The following ACYP2 variants were observed in gnomAD, a reference collection of about 807,000 sequenced individuals.
ACYP2 encodes the protein acylphosphatase 2.
In ACYP2, 12 loss-of-function variants were observed where a neutral mutation model predicts 11.2. The observed-to-expected ratio is 1.08, with a 90% CI of 0.69 to 1.74. ACYP2 has a LOEUF of 1.74. ACYP2 is among the 40% of genes most tolerant of loss of function. ACYP2 has a pLI of 0.00. For missense variants in ACYP2, 134 were observed against 101.9 expected, an observed-to-expected ratio of 1.31 and a Z score of -1.35; for synonymous variants, 43 against 32.2, an observed-to-expected ratio of 1.33 and a Z score of -1.13.
At chr2:54,010,602 A>AT (rs1395384047) in intron 2 of ACYP2, among the ~76,000 whole-genome samples, 1 of 151,982 alleles carries the variant, frequency 6.6e-6, no homozygotes, top group African/African-American at 2.4e-5. Flanking sequence ...CCCCATAAAA[A>AT]TTTTTTTTAA....
In ACYP2 at chr2:54,289,250, A is replaced by T. The variant is rs948604685; in HGVS notation, c.405-15438A>T. Among the ~76,000 whole-genome samples the T allele has an allele frequency of 3.4e-4, 51 of 151,860 alleles. 2 individuals are homozygous for T. Among genetic ancestry groups the T allele is most frequent in the African/African-American group, 1.1e-3 (47 of 41,184 alleles). ...TCTACTTTGTCACCTCCCACTAGAT[A>T]AGCAACTTGGATATATTGATGACGT... On this transcript the variant is annotated intron_variant, in intron 6 of 6. Coordinates refer to ENST00000607452, the MANE Select transcript of ACYP2 (RefSeq NM_001320586.2).
chr2:54,266,099 C>A (rs1165277299), intron 6 of ACYP2, among the ~76,000 whole-genome samples: 1 of 152,122 alleles, frequency 6.6e-6, no homozygotes, highest in Non-Finnish European at 1.5e-5. Flanking sequence ...TAAATCAACT[C>A]TTGGGTCAAA....
At chr2:54,187,145 G>A (rs1043609058) in intron 6 of ACYP2, among the ~76,000 whole-genome samples, 29 of 152,254 alleles carry the variant, frequency 1.9e-4, no homozygotes, top group Admixed American at 1.6e-3. Flanking sequence ...AAGCCAAGAC[G>A]TAAGGGCACA....
intron 4 of ACYP2, among the ~76,000 whole-genome samples, chr2:54,058,962 A>G (rs1443770924): frequency 6.6e-6 from 1 of 152,012 alleles, no homozygotes; most frequent in East Asian, 1.9e-4. Flanking sequence ...CATGGCTAGC[A>G]TGTCTCTGGT....
At chr2:54,264,957 C>T (rs987334430) in intron 6 of ACYP2, among the ~76,000 whole-genome samples, 3 of 152,086 alleles carry the variant, frequency 2.0e-5, no homozygotes, top group Admixed American at 6.6e-5. Context: ...TCCAACTTAC[C>T]TTCACAAAGT....
At chr2:54,143,757 T>G (rs13001000) in intron 6 of ACYP2, among the ~76,000 whole-genome samples, 3,934 of 16,682 alleles carry the variant, frequency 0.24, 389 homozygotes, top group Non-Finnish European at 0.3. Context: ...TTTTTTTTTT[T>G]GGGGGGGGGG....
intron 6 of ACYP2, among the ~76,000 whole-genome samples, chr2:54,288,012 T>C (rs10191400): frequency 0.13 from 20,378 of 151,826 alleles, 2,236 homozygotes; most frequent in African/African-American, 0.28. Context: ...TTTGGGTTAA[T>C]TCCCTCTGTG....
At chr2:54,255,196 C>T (rs1687434706) in intron 6 of ACYP2, 3 of 1,614,174 alleles carry the variant, frequency 1.9e-6, no homozygotes, top group Non-Finnish European at 2.5e-6. Context: ...CACCACTTGG[C>T]CGAAGGATCT....
intron 6 of ACYP2, among the ~76,000 whole-genome samples, chr2:54,172,204 C>G (rs751741875): frequency 6.6e-6 from 1 of 151,922 alleles, no homozygotes; most frequent in Admixed American, 6.6e-5. Flanking sequence ...GGTAACAGAG[C>G]GAGACCCTGT....
At chr2:54,113,431 C>T (rs1228312579) in intron 4 of ACYP2, among the ~76,000 whole-genome samples, 2 of 151,968 alleles carry the variant, frequency 1.3e-5, no homozygotes, top group African/African-American at 2.4e-5. Context: ...TTTATAGAGG[C>T]GGGGCTTCAC....
At chr2:54,036,443 C>G (rs1416706552) in intron 2 of ACYP2, among the ~76,000 whole-genome samples, 1 of 152,224 alleles carries the variant, frequency 6.6e-6, no homozygotes, top group Non-Finnish European at 1.5e-5. Flanking sequence ...CTGTGGGCAT[C>G]TTTGGGGGCC....
intron 4 of ACYP2, among the ~76,000 whole-genome samples, chr2:54,086,377 G>A (rs1677947695): frequency 6.6e-6 from 1 of 152,192 alleles, no homozygotes; most frequent in African/African-American, 2.4e-5. Flanking sequence ...GGGCAGGCAG[G>A]GGAGAGTGAG....
chr2:54,303,531 G>A (rs931762975), intron 6 of ACYP2, among the ~76,000 whole-genome samples: 8 of 152,050 alleles, frequency 5.3e-5, no homozygotes, highest in Non-Finnish European at 1.0e-4. Context: ...CATTTTAAAG[G>A]TTTTACCTAA....
chr2:54,199,010 G>C (rs886936390), intron 6 of ACYP2, among the ~76,000 whole-genome samples: 1 of 152,278 alleles, frequency 6.6e-6, no homozygotes, highest in African/African-American at 2.4e-5. Flanking sequence ...TTTTCAGCAT[G>C]GGTGCTAGGT....
At chr2:54,015,204 T>TA (rs754933786) in intron 2 of ACYP2, among the ~76,000 whole-genome samples, 24 of 150,936 alleles carry the variant, frequency 1.6e-4, no homozygotes, top group Non-Finnish European at 2.8e-4. Context: ...CTGTCTCTGA[T>TA]AAAAAAGATA....
chr2:54,207,873 A>G (rs1348314170), intron 6 of ACYP2, among the ~76,000 whole-genome samples: 1 of 152,170 alleles, frequency 6.6e-6, no homozygotes, highest in African/African-American at 2.4e-5. Flanking sequence ...CTGTGTGTGC[A>G]TTCAATATTG....
At chr2:54,029,853 C>T (rs1298089448) in intron 2 of ACYP2, 1 of 331,652 alleles carries the variant, frequency 3.0e-6, no homozygotes, top group East Asian at 7.4e-5. Flanking sequence ...TACAATATCA[C>T]CTTTCTTACA....
chr2:54,267,598 G>A (rs181307101), intron 6 of ACYP2, among the ~76,000 whole-genome samples: 13 of 152,272 alleles, frequency 8.5e-5, no homozygotes, highest in East Asian at 3.9e-4. Context: ...AAAATTTAAA[G>A]ATCATTCTGG....
intron 6 of ACYP2, among the ~76,000 whole-genome samples, chr2:54,184,249 A>AG (rs1683874423): frequency 6.6e-6 from 1 of 152,200 alleles, no homozygotes; most frequent in Admixed American, 6.6e-5. Context: ...AACATTTCTC[A>AG]GGGACCTGAG....
Sources: allele counts gnomAD v4.1 joint callset (sites outside exome capture counted in the v4.1 genomes callset), GRCh38; gene constraint gnomAD v4.1.1; transcripts MANE v1.5; gene names NCBI Gene and HGNC (gene_info 2026-07-23, HGNC 2026-07-21).